DIAPH2: variants seen among roughly 807,000 people sequenced by gnomAD.
The protein encoded by DIAPH2 is diaphanous related formin 2, also known as protein diaphanous homolog 2.
Under a neutral mutation model 92.7 loss-of-function variants are expected in DIAPH2, and 35 were observed. That is an observed-to-expected ratio of 0.38 (90% CI 0.29 to 0.50). The LOEUF is 0.50. Ranked by LOEUF, DIAPH2 falls within the 20% of genes least tolerant of loss-of-function variation. The pLI is 0.94. For synonymous variants in DIAPH2, 301 were observed against 280.4 expected, an observed-to-expected ratio of 1.07 and a Z score of -0.73; for missense variants, 701 against 819.5, an observed-to-expected ratio of 0.86 and a Z score of 1.77.
chrX:96,718,355 TTTTTTTTTTTTTTTTTTTTA>T, intron 1 of DIAPH2, among the ~76,000 whole-genome samples: 1 of 72,117 alleles, frequency 1.4e-5, no homozygotes, highest in South Asian at 1.0e-3. Flanking sequence ...TTTTTTTTTT[TTTTTTTTTTTTTTTTTTTTA>T]TGGTGTCTCA....
chrX:97,595,292 A>G (rs956716792), intron 26 of DIAPH2, among the ~76,000 whole-genome samples: 9 of 112,616 alleles, frequency 8.0e-5, no homozygotes, highest in African/African-American at 2.9e-4. Flanking sequence ...AAGCAATACT[A>G]TAATGGGTTT....
At chrX:97,325,331 G>A (rs1459116360) in intron 23 of DIAPH2, among the ~76,000 whole-genome samples, 1 of 111,284 alleles carries the variant, frequency 9.0e-6, no homozygotes, top group Non-Finnish European at 1.9e-5. Flanking sequence ...TAATAGTATT[G>A]CTCAAGGAGA....
At chrX:96,876,090 G>A (rs1179213791) in intron 4 of DIAPH2, among the ~76,000 whole-genome samples, 3 of 111,946 alleles carry the variant, frequency 2.7e-5, no homozygotes, top group Non-Finnish European at 5.6e-5. Context: ...CCATCAACAA[G>A]TGGGCAAAGG....
intron 1 of DIAPH2, among the ~76,000 whole-genome samples, chrX:96,686,248 C>T (rs1229191228): frequency 9.0e-6 from 1 of 111,689 alleles, no homozygotes; most frequent in East Asian, 2.8e-4. Context: ...TTTCTTATGG[C>T]ATCTGGCCAT....
At chrX:96,883,239 C>T (rs774437471) in intron 5 of DIAPH2, among the ~76,000 whole-genome samples, 1 of 110,362 alleles carries the variant, frequency 9.1e-6, no homozygotes, top group East Asian at 2.8e-4. Flanking sequence ...GGCAAAATGC[C>T]CAGAAAATTA....
At chrX:97,051,196 A>G (rs1256435301) in intron 17 of DIAPH2, among the ~76,000 whole-genome samples, 4 of 111,598 alleles carry the variant, frequency 3.6e-5, no homozygotes, top group African/African-American at 1.3e-4. Context: ...TAATTATGCA[A>G]TCTCCCTTGC....
At chrX:97,355,341 A>G (rs1402044119) in intron 24 of DIAPH2, among the ~76,000 whole-genome samples, 3 of 110,680 alleles carry the variant, frequency 2.7e-5, no homozygotes, top group Admixed American at 9.7e-5. Context: ...GATTGTGTAT[A>G]TAATCCCTGA....
intron 9 of DIAPH2, among the ~76,000 whole-genome samples, chrX:96,928,896 A>G (rs1428933825): frequency 1.8e-5 from 2 of 111,569 alleles, no homozygotes; most frequent in Non-Finnish European, 3.8e-5. Context: ...TACATTCATT[A>G]ATTTTATTGA....
chrX:96,897,340 G>A lies in DIAPH2; in HGVS notation c.588-14988G>A, dbSNP rs1323390061. 6.4e-5 allele frequency among the ~76,000 whole-genome samples: 7 copies of A among 109,863 alleles called. No homozygotes were observed. The East Asian group carries it at 1.1e-3, about 18-fold the overall frequency. On this transcript the variant is annotated intron_variant, in intron 5 of 26. Coordinates refer to ENST00000324765, the MANE Select transcript of DIAPH2 (RefSeq NM_006729.5). ...ATCTCTCACCCACCTCCCAACATCC[G>A]CCCACTTACTTTGAGTAATGATGGT...
At chrX:97,109,154 T>A (rs1203647909) in intron 20 of DIAPH2, among the ~76,000 whole-genome samples, 1 of 111,528 alleles carries the variant, frequency 9.0e-6, no homozygotes, top group Admixed American at 9.5e-5. Flanking sequence ...TGAGGTCACT[T>A]ACATCTGAAA....
intron 24 of DIAPH2, among the ~76,000 whole-genome samples, chrX:97,376,230 G>A (rs1272425571): frequency 9.0e-6 from 1 of 111,453 alleles, no homozygotes; most frequent in Non-Finnish European, 1.9e-5. Context: ...AGTCAAAATA[G>A]CAAATTATTC....
intron 17 of DIAPH2, among the ~76,000 whole-genome samples, chrX:96,984,861 C>T (rs2066021039): frequency 9.0e-6 from 1 of 111,539 alleles, no homozygotes; most frequent in Admixed American, 9.6e-5. Flanking sequence ...ATATACTGTA[C>T]ATTCTTCTGA....
chrX:97,093,415 GA>G (rs2066841927), intron 19 of DIAPH2, among the ~76,000 whole-genome samples: 1 of 111,075 alleles, frequency 9.0e-6, no homozygotes, highest in Admixed American at 9.5e-5. Context: ...TGGAGTTGGG[GA>G]ATTGGGGTTT....
chrX:96,763,815 ATTACC>A (rs1316038205), intron 4 of DIAPH2, among the ~76,000 whole-genome samples: 3 of 111,295 alleles, frequency 2.7e-5, no homozygotes, highest in South Asian at 3.8e-4. Context: ...GCTGTTTGTA[ATTACC>A]TTATCTTCAT....
intron 18 of DIAPH2, 100 bp from the exon 19 acceptor site, chrX:97,075,067 A>G: frequency 1.9e-6 from 1 of 513,341 alleles, no homozygotes; most frequent in African/African-American, 2.4e-5. Flanking sequence ...ATTAGTGACA[A>G]ATTTCATATT....
intron 25 of DIAPH2, among the ~76,000 whole-genome samples, chrX:97,394,032 T>G (rs1000255039): frequency 2.7e-5 from 3 of 112,155 alleles, no homozygotes; most frequent in Non-Finnish European, 5.6e-5. Context: ...TGTTTTTATC[T>G]GTTTTCCTAG....
At chrX:97,580,182 C>G (rs1336935562) in intron 26 of DIAPH2, among the ~76,000 whole-genome samples, 105 of 103,817 alleles carry the variant, frequency 1.0e-3, no homozygotes, top group African/African-American at 3.3e-3. Context: ...CCTAATTGCC[C>G]TGGCCAGAAC....
chrX:96,805,507 A>G (rs1184037799), intron 4 of DIAPH2, among the ~76,000 whole-genome samples: 1 of 111,116 alleles, frequency 9.0e-6, no homozygotes, highest in Non-Finnish European at 1.9e-5. Flanking sequence ...GGTGGTCAAA[A>G]CTAAATAAAA....
intron 24 of DIAPH2, among the ~76,000 whole-genome samples, chrX:97,371,917 A>G (rs189216262): frequency 1.3e-3 from 143 of 112,436 alleles, no homozygotes; most frequent in African/African-American, 4.5e-3. Flanking sequence ...AATTGTAATT[A>G]ATTTCCTATA....
Sources: allele counts gnomAD v4.1 joint callset (sites outside exome capture counted in the v4.1 genomes callset), GRCh38; gene constraint gnomAD v4.1.1; transcripts MANE v1.5; gene names NCBI Gene and HGNC (gene_info 2026-07-23, HGNC 2026-07-21).